The following NYAP2 variants were observed in gnomAD, a reference collection of about 807,000 sequenced individuals.
The protein encoded by NYAP2 is neuronal tyrosine-phosphorylated phosphoinositide-3-kinase adaptor 2.
NYAP2 carries 23 observed loss-of-function variants against 50.4 expected under a neutral mutation model. The observed-to-expected ratio is 0.46, with a 90% CI of 0.33 to 0.65. The LOEUF (loss-of-function observed/expected upper bound fraction) is 0.65, where lower values mean the gene tolerates loss of function less well. NYAP2 is among the 30% of genes least tolerant of loss of function. The pLI is 0.02. For synonymous variants in NYAP2, 394 were observed against 365.2 expected (o/e 1.08, Z -0.90); for missense variants, 885 against 861.0 (o/e 1.03, Z -0.35).
rs185372549 is a variant in NYAP2 at position 225,615,509 on chromosome 2, C to A, written c.1619-11408C>A. On this transcript the variant is annotated intron_variant, in intron 5 of 6. Coordinates refer to ENST00000636099, the Ensembl canonical transcript of NYAP2. ...AAGGCCAGACATGGTCTTAAAAATT[C>A]TATTTATTATTCCATGCTATGAAAA... 8.5e-5 allele frequency among the ~76,000 whole-genome samples: 13 copies of A among 152,160 alleles called. No homozygotes were observed. The East Asian group carries it at 1.9e-3, about 23-fold the overall frequency.
At chr2:225,674,240 T>C in the NYAP2 span, among the ~76,000 whole-genome samples, 1 of 152,056 alleles carries the variant, frequency 6.6e-6, no homozygotes, top group Non-Finnish European at 1.5e-5. Flanking sequence ...GCTTTGATTG[T>C]ATATTAGGTT....
At chr2:225,590,820 C>A (rs562599147) in intron 5 of NYAP2, among the ~76,000 whole-genome samples, 1 of 152,310 alleles carries the variant, frequency 6.6e-6, no homozygotes, top group South Asian at 2.1e-4. Flanking sequence ...CCTGTGGATT[C>A]TCCCAGAGGC....
At chr2:225,463,179 G>A (rs1258875920) in intron 3 of NYAP2, among the ~76,000 whole-genome samples, 1 of 152,238 alleles carries the variant, frequency 6.6e-6, no homozygotes, top group Non-Finnish European at 1.5e-5. Flanking sequence ...CACCTGCATT[G>A]CATCAGTCTT....
At chr2:225,553,560 G>A (rs1691719895) in intron 4 of NYAP2, among the ~76,000 whole-genome samples, 1 of 152,200 alleles carries the variant, frequency 6.6e-6, no homozygotes, top group Non-Finnish European at 1.5e-5. Context: ...GACTTTATAT[G>A]TCTTAATCAT....
downstream of NYAP2, among the ~76,000 whole-genome samples, chr2:225,656,277 A>G (rs1391951277): frequency 6.6e-6 from 1 of 152,160 alleles, no homozygotes; most frequent in Non-Finnish European, 1.5e-5. Flanking sequence ...CCTGTGTTTC[A>G]TGATACCTGC....
At chr2:225,463,374 T>C (rs1689864637) in intron 3 of NYAP2, among the ~76,000 whole-genome samples, 1 of 152,272 alleles carries the variant, frequency 6.6e-6, no homozygotes, top group African/African-American at 2.4e-5. Context: ...GATCAGTCAA[T>C]CAATCATGTG....
At chr2:225,698,500 C>T in the NYAP2 span, 1 of 152,426 alleles carries the variant, frequency 6.6e-6, no homozygotes, top group East Asian at 2.0e-4. Context: ...CAGCCCTCCA[C>T]CGTATTCTAA....
intron 3 of NYAP2, among the ~76,000 whole-genome samples, chr2:225,473,467 C>A (rs1203144835): frequency 6.6e-6 from 1 of 152,168 alleles, no homozygotes. Context: ...CTCTCCAGCA[C>A]CTGTTGTTTC....
intron 3 of NYAP2, among the ~76,000 whole-genome samples, chr2:225,492,526 G>A (rs775549608): frequency 1.4e-4 from 21 of 152,296 alleles, no homozygotes; most frequent in Non-Finnish European, 2.8e-4. Flanking sequence ...GATAATTTAG[G>A]TGTTATTTCC....
exon 7 of NYAP2, chr2:225,652,368 T>C (rs1304768079): frequency 6.6e-6 from 1 of 152,216 alleles, no homozygotes; most frequent in East Asian, 1.9e-4. Context: ...AGATCTCAAT[T>C]ATCACTTGGA....
chr2:225,620,097 A>T lies in NYAP2; in HGVS notation c.1619-6820A>T, dbSNP rs536557623. Among the ~76,000 whole-genome samples the T allele has an allele frequency of 2.0e-5, 3 of 152,336 alleles. No individual in the cohort carries two copies. In the East Asian group the frequency reaches 5.8e-4, roughly 29 times the overall value. On this transcript the variant is annotated intron_variant, in intron 5 of 6. Coordinates refer to ENST00000636099, the Ensembl canonical transcript of NYAP2. ...AGCTTTACCACAGTATGTAAGATTGATCTTGTTCCAGAGAGTTTATGTTAC... is the reference window on the plus strand; with the variant it reads ...AGCTTTACCACAGTATGTAAGATTGTTCTTGTTCCAGAGAGTTTATGTTAC...
intron 3 of NYAP2, among the ~76,000 whole-genome samples, chr2:225,502,785 C>A (rs1411011686): frequency 2.0e-5 from 3 of 152,160 alleles, no homozygotes; most frequent in Non-Finnish European, 4.4e-5. Context: ...ATTGCACCTG[C>A]CTTATACTTC....
chr2:225,624,346 C>G (rs1281174921), intron 5 of NYAP2, among the ~76,000 whole-genome samples: 1 of 152,176 alleles, frequency 6.6e-6, no homozygotes, highest in East Asian at 1.9e-4. Flanking sequence ...GGTAAGCACA[C>G]TAGAAACGGG....
chr2:225,475,081 C>G (rs1690080684), intron 3 of NYAP2, among the ~76,000 whole-genome samples: 2 of 152,116 alleles, frequency 1.3e-5, no homozygotes, highest in South Asian at 4.1e-4. Context: ...TTTATACCTG[C>G]TTATGATAGA....
At chr2:225,466,067 G>A (rs372784700) in intron 3 of NYAP2, among the ~76,000 whole-genome samples, 51 of 152,282 alleles carry the variant, frequency 3.3e-4, no homozygotes, top group South Asian at 3.1e-3. Flanking sequence ...AACCAGCCAC[G>A]TGAATGGCTT....
chr2:225,452,563 C>T (rs960706506), intron 3 of NYAP2, among the ~76,000 whole-genome samples: 24 of 152,086 alleles, frequency 1.6e-4, no homozygotes, highest in Admixed American at 5.9e-4. Context: ...CCACTTAGGG[C>T]CTCAATAGAC....
intron 4 of NYAP2, among the ~76,000 whole-genome samples, chr2:225,538,330 T>A (rs575145739): frequency 1.3e-5 from 2 of 152,198 alleles, no homozygotes; most frequent in Non-Finnish European, 2.9e-5. Flanking sequence ...TGCTCAAACT[T>A]CTGTCTGGAT....
chr2:225,641,929 A>T (rs1693541660), intron 6 of NYAP2, among the ~76,000 whole-genome samples: 1 of 152,196 alleles, frequency 6.6e-6, no homozygotes, highest in South Asian at 2.1e-4. Flanking sequence ...TGTGAAACAT[A>T]AAAATCATCT....
chr2:225,506,911 T>C (rs1399236967), intron 3 of NYAP2, among the ~76,000 whole-genome samples: 1 of 152,038 alleles, frequency 6.6e-6, no homozygotes, highest in Non-Finnish European at 1.5e-5. Context: ...TGAAAACATC[T>C]TTTTGAAAAT....
Sources: allele counts gnomAD v4.1 joint callset (sites outside exome capture counted in the v4.1 genomes callset), GRCh38; gene constraint gnomAD v4.1.1; transcripts MANE v1.5; gene names NCBI Gene and HGNC (gene_info 2026-07-23, HGNC 2026-07-21).